Variants in TIMP4 observed in about 807,000 individuals in gnomAD.
TIMP4 encodes the protein metalloproteinase inhibitor 4.
In TIMP4, 28 loss-of-function variants were observed where a neutral mutation model predicts 27.3. The observed-to-expected ratio is 1.03, with a 90% confidence interval of 0.76 to 1.41. The LOEUF (loss-of-function observed/expected upper bound fraction) is 1.41, where lower values mean the gene tolerates loss of function less well. TIMP4 is among the 40% of genes most tolerant of loss of function. The probability of loss-of-function intolerance (pLI) is 0.00; values close to 1 mark genes in which losing one functional copy is unlikely to be tolerated. For missense variants in TIMP4, 307 were observed against 285.5 expected (o/e 1.08, Z -0.54); for synonymous variants, 138 against 115.5 (o/e 1.20, Z -1.25).
In TIMP4 at chr3:12,158,898, G is replaced by A; in HGVS notation, c.-58C>T. 6.8e-7 allele frequency: 1 copy of A among 1,463,488 alleles called. No individual in the cohort carries two copies. The highest frequency in any genetic ancestry group is 9.0e-7 in the Non-Finnish European group (1 of 1,109,112). The allele number at this position is 1,463,488 out of a possible 1,614,324, so 90.7% of individuals were successfully genotyped here. A position where few individuals can be genotyped will look rare whatever the true frequency, so the allele number is the denominator to read the frequency against. On this transcript the variant is annotated 5_prime_UTR_variant, in exon 1 of 5. Transcript: ENST00000287814. ...TCTGGGGGACTGGACGGCCCCAGCA[G>A]GGCTCCTTCCCAAGGCCGTTGTGCC...
intron 1 of TIMP4, among the ~76,000 whole-genome samples, chr3:12,158,087 G>A (rs538903718): frequency 9.2e-5 from 14 of 152,204 alleles, no homozygotes; most frequent in East Asian, 5.8e-4. Context: ...GAGTGCACAC[G>A]TGTAAAGAAC....
rs375151237 is a variant in TIMP4, at chr3:12,154,106, G to C, written c.477+221C>G. 7.9e-5 allele frequency among the ~76,000 whole-genome samples: 12 copies of C among 152,208 alleles called. No individual in the cohort carries two copies. In the East Asian group the frequency reaches 1.7e-3, roughly 22 times the overall value. ...AATAGACTCTCTTTAAAGGGTAGCT[G>C]TGTTACAGTTATCTCAGTCTGCCTC... On this transcript the variant is annotated intron_variant, in intron 4 of 4. Coordinates refer to ENST00000287814, the MANE Select transcript of TIMP4 (RefSeq NM_003256.4).
intron 3 of TIMP4, among the ~76,000 whole-genome samples, chr3:12,156,111 G>A (rs1697448637): frequency 6.6e-6 from 1 of 152,202 alleles, no homozygotes; most frequent in African/African-American, 2.4e-5. Flanking sequence ...GTCATTCATT[G>A]CTGAATGTGT....
In TIMP4 at chr3:12,154,490, C is replaced by A. The variant is rs538487090; in HGVS notation, c.353-39G>T. The stretch of plus-strand genomic sequence containing the variant: ...TGGAGGAGAGTCAAGCATCAGGATT[C>A]TTCTCCTGGAGCCCCAGGGGCCCAG... On this transcript the variant is annotated intron_variant, in intron 3 of 4. Coordinates refer to ENST00000287814, the MANE Select transcript of TIMP4 (RefSeq NM_003256.4). The A allele has an allele frequency of 8.6e-5, 139 of 1,608,278 alleles. 4 individuals carry two copies. The South Asian group carries it at 1.5e-3, about 17-fold the overall frequency.
chr3:12,153,296 G>A lies in TIMP4; in HGVS notation c.*219C>T, dbSNP rs1461446311. 4 of 595,606 alleles carry A rather than the reference G, an allele frequency of 6.7e-6. No individual in the cohort carries two copies. The highest frequency in any genetic ancestry group is 1.2e-5 in the Non-Finnish European group (4 of 333,010). 36.9% of individuals were successfully genotyped at this position (595,606 alleles called of 1,614,324 possible). A position where few individuals can be genotyped will look rare whatever the true frequency, so the allele number is the denominator to read the frequency against. The stretch of plus-strand genomic sequence containing the variant: ...AAACACTTGCAGTAACAGCTACAAG[G>A]CTAGACTAATGGGGTTTGGGAGGCA... On this transcript the variant is annotated 3_prime_UTR_variant, in exon 5 of 5. Coordinates refer to ENST00000287814, the MANE Select transcript of TIMP4 (RefSeq NM_003256.4).
chr3:12,154,263 C>T, intron 4 of TIMP4, 64 bp downstream of exon 4: 20 of 1,606,100 alleles, frequency 1.2e-5, no homozygotes, highest in Non-Finnish European at 1.6e-5. Flanking sequence ...TAAATTCATG[C>T]ATGAATGAAG....
intron 1 of TIMP4, 96 bp from the exon 2 acceptor site, chr3:12,157,578 G>T: frequency 8.1e-7 from 1 of 1,228,530 alleles, no homozygotes; most frequent in Non-Finnish European, 1.2e-6. Context: ...AGTCTATAGG[G>T]CAGTTCTTGG....
chr3:12,156,949 CA>C lies in TIMP4; in HGVS notation c.238-16del. On this transcript the variant is annotated splice_polypyrimidine_tract_variant and intron_variant, in intron 2 of 4. Coordinates refer to ENST00000287814, the MANE Select transcript of TIMP4 (RefSeq NM_003256.4). ...CCTTTGAACATCTGACAGGCAATTA[CA>C]AAAAAAGGCAATATTGGGTCAGTGA... 6 of 1,580,796 alleles carry C rather than the reference CA, an allele frequency of 3.8e-6. No individual in the cohort carries two copies. The highest frequency in any genetic ancestry group is 5.2e-6 in the Non-Finnish European group (6 of 1,152,630).
intron 2 of TIMP4, 38 bp from the exon 3 acceptor site, chr3:12,156,972 G>C: frequency 6.9e-7 from 1 of 1,445,768 alleles, no homozygotes; most frequent in South Asian, 1.1e-5. Flanking sequence ...TATTGGGTCA[G>C]TGAGTGTACT....
rs1260371179 is a variant in TIMP4, at chr3:12,153,693, A to G, written c.497T>C (p.Val166Ala). The G allele has an allele frequency of 6.2e-7, 1 of 1,614,218 alleles. No homozygotes were observed. Among genetic ancestry groups the G allele is most frequent in the Admixed American group, 1.7e-5 (1 of 60,032 alleles). Residue 166 changes from valine (V) to alanine (A), a missense_variant, in exon 5 of 5, where the codon GTA becomes GCA. Physicochemically the swap from Val to Ala is moderately conservative, Grantham distance 64. Coordinates refer to ENST00000287814, the MANE Select transcript of TIMP4 (RefSeq NM_003256.4). Reference protein sequence around the residue: ...CGCQITTCYTVPCTISAPNEC... With the variant: ...CGCQITTCYTAPCTISAPNEC... ...GTTAGGGGCCGAGATGGTACAGGGTACTGTGTAGCAGGTGGTGATCTAGAG... is the reference window on the plus strand; with the variant it reads ...GTTAGGGGCCGAGATGGTACAGGGTGCTGTGTAGCAGGTGGTGATCTAGAG...
At chr3:12,158,654 TC>T in intron 1 of TIMP4, 47 bp downstream of exon 1, 1 of 1,603,370 alleles carries the variant, frequency 6.2e-7, no homozygotes, top group African/African-American at 1.3e-5. Flanking sequence ...CAGATACTAA[TC>T]CCCCACAACC....
chr3:12,156,725 G>A, intron 3 of TIMP4, 95 bp downstream of exon 3: 2 of 947,146 alleles, frequency 2.1e-6, no homozygotes, highest in South Asian at 1.6e-5. Context: ...ACCTGGCTCA[G>A]CCTACTGCCC....
In TIMP4 at chr3:12,153,373, T is replaced by G; in HGVS notation, c.*142A>C. The G allele has an allele frequency of 1.0e-6, 1 of 989,348 alleles. No individual in the cohort carries two copies. Among genetic ancestry groups the G allele is most frequent in the East Asian group, 2.4e-5 (1 of 41,140 alleles). The allele number at this position is 989,348 out of a possible 1,614,324, so 61.3% of individuals were successfully genotyped here. ...AAAAGTCATGGCCCCTTCCCTGCCTTGACAGTGGCCAGACTGTCCACTTGG... is the reference window on the plus strand; with the variant it reads ...AAAAGTCATGGCCCCTTCCCTGCCTGGACAGTGGCCAGACTGTCCACTTGG... On this transcript the variant is annotated 3_prime_UTR_variant, in exon 5 of 5. Coordinates refer to ENST00000287814, the MANE Select transcript of TIMP4 (RefSeq NM_003256.4).
chr3:12,155,031 TCA>T, intron 3 of TIMP4, among the ~76,000 whole-genome samples: 1 of 13,736 alleles, frequency 7.3e-5, no homozygotes. Flanking sequence ...TTTTCACCTT[TCA>T]GACGAGATCG....
Position 12,153,515 on chromosome 3 carries a change from C to T in TIMP4, c.675G>A (p.Ter225=). ...GGGATGTGATGGTCACTGGTCCCTA[C>T]TAGGGCTGAACGATGTCAACAAACT... ...RKEFVDIVQP[*] The change falls in exon 5 of 5, where the codon TAG becomes TAA. Residue 225 remains the stop codon, a stop_retained_variant. Transcript: ENST00000287814. 6.2e-7 allele frequency: 1 copy of T among 1,613,146 alleles called. No homozygotes were observed. Among genetic ancestry groups the T allele is most frequent in the Non-Finnish European group, 8.5e-7 (1 of 1,180,010 alleles).
chr3:12,157,364 T>C, intron 2 of TIMP4, 21 bp downstream of exon 2: 3 of 1,610,804 alleles, frequency 1.9e-6, no homozygotes, highest in Non-Finnish European at 2.5e-6. Flanking sequence ...GGGCTACACA[T>C]CCCAGCCTGC....
At chr3:12,157,341 C>G (rs1438757452) in intron 2 of TIMP4, 44 bp downstream of exon 2, 1 of 1,584,190 alleles carries the variant, frequency 6.3e-7, no homozygotes. Context: ...TCCACTTTCT[C>G]CATCAGCCTT....
At chr3:12,154,838 A>G (rs1697409519) in intron 3 of TIMP4, among the ~76,000 whole-genome samples, 1 of 148,722 alleles carries the variant, frequency 6.7e-6, no homozygotes, top group African/African-American at 2.5e-5. Context: ...GTCAGATTAA[A>G]TGAGAGATTG....
At position 12,158,709 on chromosome 3, in the gene TIMP4, C is replaced by G; in HGVS notation, c.132G>C (p.Ser44=). The change falls in exon 1 of 5, where the codon TCG becomes TCC. Residue 44 remains serine, a synonymous_variant. Coordinates refer to ENST00000287814, the MANE Select transcript of TIMP4 (RefSeq NM_003256.4). ...CGCGGACCTCGGACTCACCAAGTGC[C>G]GAGTGGCAGATGTGCTGCTGAGGGT... ...PAHPQQHICH[S]ALVIRAKISS... is the part of the protein sequence containing the mutation. 7 of 1,610,352 alleles carry G rather than the reference C, an allele frequency of 4.3e-6. No homozygotes were observed. Among genetic ancestry groups the G allele is most frequent in the Non-Finnish European group, 5.9e-6 (7 of 1,179,736 alleles).
Sources: allele counts gnomAD v4.1 joint callset (sites outside exome capture counted in the v4.1 genomes callset), GRCh38; gene constraint gnomAD v4.1.1; transcripts MANE v1.5; gene names NCBI Gene and HGNC (gene_info 2026-07-23, HGNC 2026-07-21).